TMTC2: variants seen among roughly 807,000 people sequenced by gnomAD.
The protein encoded by TMTC2 is transmembrane O-mannosyltransferase targeting cadherins 2.
Under a neutral mutation model 82.4 loss-of-function variants are expected in TMTC2, and 43 were observed. The ratio of observed to expected loss-of-function variants is 0.52; its 90% confidence interval spans 0.41 to 0.67. The LOEUF (loss-of-function observed/expected upper bound fraction) is 0.67. Among genes scored for constraint, TMTC2 ranks in the 30% least tolerant of loss-of-function variants. TMTC2 has a pLI of 0.00. For synonymous variants in TMTC2, 408 were observed against 381.9 expected, an observed-to-expected ratio of 1.07 and a Z score of -0.80; for missense variants, 919 against 1,012.4, an observed-to-expected ratio of 0.91 and a Z score of 1.25.
At chr12:83,125,359 T>C (rs1247232634) in intron 11 of TMTC2, among the ~76,000 whole-genome samples, 1 of 152,234 alleles carries the variant, frequency 6.6e-6, no homozygotes, top group Non-Finnish European at 1.5e-5. Context: ...TGGGGCTCTG[T>C]GTTCCTACCT....
intron 1 of TMTC2, among the ~76,000 whole-genome samples, chr12:82,796,217 C>T (rs1191664731): frequency 1.3e-5 from 2 of 152,104 alleles, no homozygotes; most frequent in Non-Finnish European, 2.9e-5. Context: ...GAATTCATTG[C>T]AGTCCTGTAT....
chr12:83,038,753 C>CT (rs2137435835), intron 9 of TMTC2, among the ~76,000 whole-genome samples: 1 of 152,142 alleles, frequency 6.6e-6, no homozygotes, highest in South Asian at 2.1e-4. Flanking sequence ...GCAAAACAAA[C>CT]TTTTTAAAAT....
At chr12:82,753,884 T>A (rs1876154526) in intron 1 of TMTC2, among the ~76,000 whole-genome samples, 1 of 152,216 alleles carries the variant, frequency 6.6e-6, no homozygotes, top group African/African-American at 2.4e-5. Context: ...GCGTACTATA[T>A]TAATTGGAAA....
chr12:83,006,803 G>C (rs552979625), intron 8 of TMTC2, among the ~76,000 whole-genome samples: 49 of 152,258 alleles, frequency 3.2e-4, no homozygotes, highest in African/African-American at 1.1e-3. Flanking sequence ...CCTTTGCAGG[G>C]ATATGGATAA....
chr12:82,937,545 G>A (rs915437691), intron 4 of TMTC2, among the ~76,000 whole-genome samples: 3 of 151,884 alleles, frequency 2.0e-5, no homozygotes, highest in East Asian at 1.9e-4. Flanking sequence ...AGGGGGTGAG[G>A]GGGACATAAT....
intron 1 of TMTC2, among the ~76,000 whole-genome samples, chr12:82,708,503 C>T (rs1202541349): frequency 6.6e-6 from 1 of 152,314 alleles, no homozygotes; most frequent in South Asian, 2.1e-4. Context: ...GGACCCCATG[C>T]TACTATAATC....
chr12:82,892,739 A>C (rs1873459456), intron 2 of TMTC2, among the ~76,000 whole-genome samples: 1 of 152,204 alleles, frequency 6.6e-6, no homozygotes, highest in African/African-American at 2.4e-5. Context: ...AGATATTGTA[A>C]TAGAATGTTC....
At chr12:82,766,858 G>A (rs1876990611) in intron 1 of TMTC2, among the ~76,000 whole-genome samples, 2 of 152,100 alleles carry the variant, frequency 1.3e-5, no homozygotes, top group South Asian at 4.1e-4. Flanking sequence ...TAGTGCGGTG[G>A]CATGATCTCG....
At chr12:82,942,180 G>A (rs1876759445) in intron 4 of TMTC2, among the ~76,000 whole-genome samples, 1 of 152,152 alleles carries the variant, frequency 6.6e-6, no homozygotes, top group African/African-American at 2.4e-5. Flanking sequence ...GAATTGATAA[G>A]AGAATATAAT....
intron 8 of TMTC2, among the ~76,000 whole-genome samples, chr12:82,997,386 A>ATATATATGTG (rs1879700570): frequency 2.5e-5 from 1 of 39,956 alleles, no homozygotes; most frequent in African/African-American, 8.4e-5. Context: ...ATATATGTGT[A>ATATATATGTG]TATATATATG....
chr12:82,963,824 T>C (rs866096567), intron 4 of TMTC2, among the ~76,000 whole-genome samples: 2,701 of 100,218 alleles, frequency 0.027, 229 homozygotes, highest in Admixed American at 0.046. Flanking sequence ...TATATATATA[T>C]ATATATATAT....
intron 1 of TMTC2, among the ~76,000 whole-genome samples, chr12:82,792,187 G>T (rs6539692): frequency 6.6e-6 from 1 of 151,738 alleles, no homozygotes; most frequent in African/African-American, 2.4e-5. Flanking sequence ...CTAATGATAC[G>T]TTAGCATTAT....
chr12:82,859,108 G>T (rs142129235), intron 2 of TMTC2, among the ~76,000 whole-genome samples: 3,546 of 145,530 alleles, frequency 0.024, 148 homozygotes, highest in African/African-American at 0.087. Context: ...TCACACTGTC[G>T]CCAGGCTGGA....
At chr12:83,110,174 C>A (rs777078328) in intron 11 of TMTC2, among the ~76,000 whole-genome samples, 7 of 152,080 alleles carry the variant, frequency 4.6e-5, no homozygotes, top group Non-Finnish European at 8.8e-5. Context: ...GTTACTTTTC[C>A]TTCTGTTATT....
intron 2 of TMTC2, among the ~76,000 whole-genome samples, chr12:82,879,496 G>A (rs1872727562): frequency 6.6e-6 from 1 of 152,192 alleles, no homozygotes; most frequent in South Asian, 2.1e-4. Context: ...CAGAACTCAG[G>A]TGGTAATGCC....
intron 1 of TMTC2, among the ~76,000 whole-genome samples, chr12:82,701,187 A>G (rs548565803): frequency 1.2e-4 from 18 of 152,330 alleles, no homozygotes; most frequent in African/African-American, 4.1e-4. Flanking sequence ...ATTCTATTCT[A>G]CAGTATATAT....
intron 1 of TMTC2, among the ~76,000 whole-genome samples, chr12:82,803,405 C>T (rs562232668): frequency 1.1e-4 from 17 of 152,196 alleles, no homozygotes; most frequent in South Asian, 2.1e-4. Flanking sequence ...CTGAAAATGA[C>T]GGTTGGCTGC....
intron 11 of TMTC2, among the ~76,000 whole-genome samples, chr12:83,130,245 A>C (rs780858460): frequency 3.9e-5 from 6 of 152,190 alleles, no homozygotes; most frequent in Non-Finnish European, 8.8e-5. Flanking sequence ...TGTGCTAAGC[A>C]CTGTGAGGGG....
intron 2 of TMTC2, among the ~76,000 whole-genome samples, chr12:82,874,779 T>A (rs550089426): frequency 6.6e-6 from 1 of 152,314 alleles, no homozygotes; most frequent in East Asian, 1.9e-4. Flanking sequence ...AATAGGGAAT[T>A]ATGCCATTTT....
Sources: gnomAD v4.1 joint callset for allele counts (sites outside exome capture counted in the v4.1 genomes callset) on GRCh38, gnomAD v4.1.1 for gene constraint, MANE v1.5 for transcripts, NCBI Gene and HGNC (gene_info 2026-07-23, HGNC 2026-07-21) for gene names.